The following CLYBL variants were observed in gnomAD, a reference collection of about 807,000 sequenced individuals.
CLYBL encodes citramalyl-CoA lyase, also known as citramalyl-CoA lyase, mitochondrial.
Under a neutral mutation model 38.9 loss-of-function variants are expected in CLYBL, and 31 were observed. The observed-to-expected ratio is 0.80, with a 90% CI of 0.60 to 1.08. CLYBL has a LOEUF of 1.08. CLYBL is among the 50% of genes least tolerant of loss of function. The pLI, the probability that CLYBL is intolerant of heterozygous loss-of-function variation, is 0.00. For synonymous variants in CLYBL, 171 were observed against 158.6 expected, an observed-to-expected ratio of 1.08 and a Z score of -0.59; for missense variants, 434 against 411.6, an observed-to-expected ratio of 1.05 and a Z score of -0.47.
chr13:99,674,043 C>T (rs374449290), intron 1 of CLYBL, among the ~76,000 whole-genome samples: 3 of 145,692 alleles, frequency 2.1e-5, no homozygotes, highest in East Asian at 4.1e-4. Context: ...AAATGGAGCA[C>T]GCTTTTGTTG....
Position 99,653,617 on chromosome 13 carries a change from C to T in CLYBL, c.62+46860C>T, listed in dbSNP as rs183503791. ...AAATTCAGACACACCACATGAGAAGCTACTGGGACTTTTTTCTCCTTTTCT... is the reference window on the plus strand; with the variant it reads ...AAATTCAGACACACCACATGAGAAGTTACTGGGACTTTTTTCTCCTTTTCT... On this transcript the variant is annotated intron_variant, in intron 1 of 8. Transcript: ENST00000339105. Among the ~76,000 whole-genome samples, 5 of 152,302 alleles carry T rather than the reference C, an allele frequency of 3.3e-5. No homozygotes were observed. In the East Asian group the frequency reaches 9.7e-4, roughly 29 times the overall value.
chr13:99,856,410 C>T (rs9300569), intron 2 of CLYBL, among the ~76,000 whole-genome samples: 63,969 of 151,950 alleles, frequency 0.42, 13,686 homozygotes, highest in East Asian at 0.56. Context: ...GCCTAAAAAA[C>T]TGAGTGAGTT....
chr13:99,673,424 AAG>A (rs1555350857), intron 1 of CLYBL, among the ~76,000 whole-genome samples: 2 of 151,850 alleles, frequency 1.3e-5, no homozygotes, highest in Non-Finnish European at 2.9e-5. Context: ...AAAAAAAAAA[AAG>A]AAATGGTGCG....
chr13:99,757,887 A>G (rs1566314721), intron 1 of CLYBL, among the ~76,000 whole-genome samples: 1 of 152,202 alleles, frequency 6.6e-6, no homozygotes, highest in Non-Finnish European at 1.5e-5. Flanking sequence ...CGTGCCACCA[A>G]GTTTGAAAAT....
chr13:99,823,520 T>C (rs533603797), intron 2 of CLYBL, among the ~76,000 whole-genome samples: 1 of 152,356 alleles, frequency 6.6e-6, no homozygotes, highest in African/African-American at 2.4e-5. Flanking sequence ...GTTTTGCCTT[T>C]TCTAAAATGT....
At chr13:99,634,443 T>A (rs1397505900) in intron 1 of CLYBL, among the ~76,000 whole-genome samples, 2 of 152,106 alleles carry the variant, frequency 1.3e-5, no homozygotes, top group African/African-American at 2.4e-5. Context: ...AATAATCAGA[T>A]AGATCCATCT....
chr13:99,783,411 A>AT (rs1379313824), intron 2 of CLYBL, among the ~76,000 whole-genome samples: 23 of 151,354 alleles, frequency 1.5e-4, no homozygotes, highest in Middle Eastern at 3.5e-3. Flanking sequence ...GTTCTTCTAC[A>AT]TATCTGCTTG....
chr13:99,847,766 A>T (rs1209106489), intron 2 of CLYBL, among the ~76,000 whole-genome samples: 1 of 152,004 alleles, frequency 6.6e-6, no homozygotes, highest in African/African-American at 2.4e-5. Context: ...GTGAGCAGGG[A>T]CCCCCAACTT....
In CLYBL at chr13:99,608,638, A is replaced by G. The variant is rs960675448; in HGVS notation, c.62+1881A>G. 5.3e-5 allele frequency among the ~76,000 whole-genome samples: 8 copies of G among 152,192 alleles called. No homozygotes were observed. In the Middle Eastern group the frequency reaches 0.017, roughly 324 times the overall value. On this transcript the variant is annotated intron_variant, in intron 1 of 8. Transcript: ENST00000339105. The stretch of plus-strand genomic sequence containing the variant: ...AGTGAGCGCACACAGTCCCCACGCC[A>G]GTACGCTGGGGGTTAACTCAGTGCT...
Position 99,858,871 on chromosome 13 carries a change from G to C in CLYBL, c.260G>C (p.Arg87Pro). 1 of 1,600,888 alleles carries C rather than the reference G, an allele frequency of 6.2e-7. No homozygotes were observed. Among genetic ancestry groups the C allele is most frequent in the Non-Finnish European group, 8.5e-7 (1 of 1,175,254 alleles). Residue 87 changes from arginine to proline, a missense_variant, in exon 3 of 9, where the codon CGA (arginine) becomes CCA (proline). By Grantham distance (103) the Arg-to-Pro change is moderately radical. Coordinates refer to ENST00000339105, the MANE Select transcript of CLYBL (RefSeq NM_206808.5). ...TATTGACACTTACAGAATGAAGCTC[G>C]ACTGAGAATTGTAAAAACTCTTGAA... ...GVAANKKNEA[R>P]LRIVKTLEDI...
chr13:99,668,325 G>T (rs9517820), intron 1 of CLYBL, among the ~76,000 whole-genome samples: 2 of 150,592 alleles, frequency 1.3e-5, no homozygotes, highest in African/African-American at 4.9e-5. Flanking sequence ...GGTAGCTCAC[G>T]CCTGTAATCC....
intron 1 of CLYBL, among the ~76,000 whole-genome samples, chr13:99,647,813 C>G (rs929058308): frequency 6.6e-6 from 1 of 152,168 alleles, no homozygotes; most frequent in African/African-American, 2.4e-5. Flanking sequence ...AGGTGGCCAT[C>G]TTGTTGGAAA....
intron 1 of CLYBL, among the ~76,000 whole-genome samples, chr13:99,704,777 C>T (rs2048120843): frequency 1.3e-5 from 2 of 152,256 alleles, no homozygotes; most frequent in African/African-American, 4.8e-5. Flanking sequence ...CTTCATTGTC[C>T]TAGAATATTA....
At chr13:99,749,127 C>T (rs1053077427) in intron 1 of CLYBL, among the ~76,000 whole-genome samples, 2 of 151,622 alleles carry the variant, frequency 1.3e-5, no homozygotes, top group South Asian at 2.1e-4. Flanking sequence ...TTGCACTGAG[C>T]CAAGATCACA....
chr13:99,729,997 A>G (rs1297020924), intron 1 of CLYBL, among the ~76,000 whole-genome samples: 1 of 151,662 alleles, frequency 6.6e-6, no homozygotes. Flanking sequence ...CCTCATCAGC[A>G]TTGCCGGTGC....
At chr13:99,685,997 C>T (rs1170016755) in intron 1 of CLYBL, among the ~76,000 whole-genome samples, 2 of 152,080 alleles carry the variant, frequency 1.3e-5, no homozygotes, top group Admixed American at 6.5e-5. Flanking sequence ...ACATTTTTCT[C>T]CTGCGTCCCT....
At chr13:99,609,896 ACTTTC>A (rs1275918647) in intron 1 of CLYBL, among the ~76,000 whole-genome samples, 1 of 150,732 alleles carries the variant, frequency 6.6e-6, no homozygotes, top group Non-Finnish European at 1.5e-5. Context: ...TCGTTCTCAT[ACTTTC>A]CTTTAGTTCT....
intron 1 of CLYBL, among the ~76,000 whole-genome samples, chr13:99,640,788 C>A (rs1032508598): frequency 6.6e-6 from 1 of 152,318 alleles, no homozygotes; most frequent in East Asian, 1.9e-4. Context: ...TTTTGTCTTA[C>A]GACCAATAGG....
intron 1 of CLYBL, among the ~76,000 whole-genome samples, chr13:99,654,429 C>T (rs1012205946): frequency 6.6e-6 from 1 of 152,188 alleles, no homozygotes; most frequent in African/African-American, 2.4e-5. Context: ...TCCGTACCCT[C>T]ATCCCAAGCC....
Sources: allele counts gnomAD v4.1 joint callset (sites outside exome capture counted in the v4.1 genomes callset), GRCh38; gene constraint gnomAD v4.1.1; transcripts MANE v1.5; gene names NCBI Gene and HGNC (gene_info 2026-07-23, HGNC 2026-07-21).